LRP1B: variants seen among roughly 807,000 people sequenced by gnomAD.
LRP1B encodes the protein LDL receptor related protein 1B.
A neutral mutation model predicts 556.6 loss-of-function variants in LRP1B; 217 were observed. The ratio of observed to expected loss-of-function variants is 0.39; its 90% confidence interval spans 0.35 to 0.44. LRP1B has a LOEUF of 0.44. Ranked by LOEUF, LRP1B falls within the 20% of genes least tolerant of loss-of-function variation. The pLI, the probability that LRP1B is intolerant of heterozygous loss-of-function variation, is 1.00. For missense variants in LRP1B, 5,053 were observed against 5,620.8 expected, an observed-to-expected ratio of 0.90 and a Z score of 3.23; for synonymous variants, 2,047 against 1,865.8, an observed-to-expected ratio of 1.10 and a Z score of -2.50.
intron 1 of LRP1B, among the ~76,000 whole-genome samples, chr2:142,084,737 G>A (rs926838522): frequency 4.6e-5 from 7 of 151,878 alleles, no homozygotes; most frequent in Non-Finnish European, 8.8e-5. Flanking sequence ...TGGTCCCTTC[G>A]CCAATTTTGC....
chr2:141,791,996 T>C (rs545071376), intron 2 of LRP1B, among the ~76,000 whole-genome samples: 1 of 152,072 alleles, frequency 6.6e-6, no homozygotes, highest in African/African-American at 2.4e-5. Flanking sequence ...GGCAGTTGCA[T>C]TTTGTTGAAG....
At chr2:141,384,485 A>T (rs757953571) in intron 3 of LRP1B, among the ~76,000 whole-genome samples, 3 of 152,176 alleles carry the variant, frequency 2.0e-5, no homozygotes, top group Non-Finnish European at 4.4e-5. Context: ...TTTAAATAAC[A>T]TAAAAGAAAC....
At chr2:140,968,725 T>C (rs1696315041) in intron 18 of LRP1B, among the ~76,000 whole-genome samples, 1 of 152,188 alleles carries the variant, frequency 6.6e-6, no homozygotes, top group Non-Finnish European at 1.5e-5. Flanking sequence ...TTCTGGTATG[T>C]TGTGTCTTTG....
At chr2:140,313,270 TA>T (rs1214143042) in intron 83 of LRP1B, among the ~76,000 whole-genome samples, 1 of 151,964 alleles carries the variant, frequency 6.6e-6, no homozygotes, top group African/African-American at 2.4e-5. Flanking sequence ...TAATTTATAT[TA>T]TTTAAAAATA....
chr2:140,359,017 TTC>T (rs1188432464), intron 72 of LRP1B, 71 bp from the exon 73 acceptor site: 16 of 1,425,160 alleles, frequency 1.1e-5, no homozygotes, highest in Non-Finnish European at 1.4e-5. Flanking sequence ...TTCTTCCTTT[TTC>T]TTTTATTCTT....
At chr2:141,835,376 CCA>C (rs1199378539) in intron 1 of LRP1B, among the ~76,000 whole-genome samples, 12 of 151,766 alleles carry the variant, frequency 7.9e-5, no homozygotes, top group Non-Finnish European at 2.9e-5. Context: ...CCTGTCAACT[CCA>C]GTGTGGACAA....
At chr2:141,547,355 A>T (rs973945647) in intron 2 of LRP1B, among the ~76,000 whole-genome samples, 1 of 152,140 alleles carries the variant, frequency 6.6e-6, no homozygotes, top group African/African-American at 2.4e-5. Flanking sequence ...GCAGCCTGAT[A>T]ATTGGCCTCC....
At position 141,098,680 on chromosome 2, in the gene LRP1B, G is replaced by A. The variant is rs115498653; in HGVS notation, c.1014-36407C>T. On this transcript the variant is annotated intron_variant, in intron 7 of 90. Transcript: ENST00000389484. ...TAGATTGACTGATTGATTTGGAGAC[G>A]GAGTTTCACTCTTGTTGCCCAGGCT... Among the ~76,000 whole-genome samples, 1,028 of 151,092 alleles carry A rather than the reference G, an allele frequency of 6.8e-3. 13 individuals are homozygous for A. Among genetic ancestry groups the A allele is most frequent in the African/African-American group, 0.023 (938 of 41,396 alleles).
intron 25 of LRP1B, among the ~76,000 whole-genome samples, chr2:140,877,040 A>G (rs1693330096): frequency 6.6e-6 from 1 of 152,096 alleles, no homozygotes; most frequent in South Asian, 2.1e-4. Flanking sequence ...AGTGGGCAAA[A>G]TAATGCTTTC....
At chr2:140,786,102 T>C (rs913192850) in intron 32 of LRP1B, among the ~76,000 whole-genome samples, 1 of 152,164 alleles carries the variant, frequency 6.6e-6, no homozygotes, top group African/African-American at 2.4e-5. Context: ...TTTAAAACTC[T>C]CCAATGGCTT....
At chr2:140,251,273 C>T (rs1681400091) in intron 86 of LRP1B, among the ~76,000 whole-genome samples, 1 of 151,716 alleles carries the variant, frequency 6.6e-6, no homozygotes, top group African/African-American at 2.4e-5. Flanking sequence ...AGTAGCATAA[C>T]TGTAAGACAT....
chr2:141,938,712 G>A (rs2105009922), intron 1 of LRP1B, among the ~76,000 whole-genome samples: 1 of 152,008 alleles, frequency 6.6e-6, no homozygotes, highest in African/African-American at 2.4e-5. Context: ...CAGATGAATG[G>A]GTAAAGACAT....
chr2:140,325,889 AAC>A lies in LRP1B; in HGVS notation c.12224-13_12224-12del, dbSNP rs200255503. 30,934 of 1,508,280 alleles carry A rather than the reference AAC, an allele frequency of 0.021. 428 individuals carry two copies. Among genetic ancestry groups the A allele is most frequent in the Non-Finnish European group, 0.02 (22,060 of 1,085,748 alleles). 93.4% of individuals were successfully genotyped at this position (1,508,280 alleles called of 1,614,324 possible). On this transcript the variant is annotated splice_polypyrimidine_tract_variant and intron_variant, in intron 79 of 90. Coordinates refer to ENST00000389484, the MANE Select transcript of LRP1B (RefSeq NM_018557.3). Reference sequence around the variant, plus strand: ...AATCCACAGCCAAACCTGCAAAATCAACACACACAAGACAAATAGTGCAAGTA... The same window carrying A: ...AATCCACAGCCAAACCTGCAAAATCAACACACAAGACAAATAGTGCAAGTA...
At chr2:140,874,922 G>C (rs191605425) in intron 25 of LRP1B, among the ~76,000 whole-genome samples, 111 of 152,078 alleles carry the variant, frequency 7.3e-4, no homozygotes, top group Middle Eastern at 3.4e-3. Flanking sequence ...AGGAGGCTGA[G>C]GCGGGAGAAT....
chr2:141,544,390 C>T (rs199822440), intron 2 of LRP1B, among the ~76,000 whole-genome samples: 9,379 of 36,316 alleles, frequency 0.26, 649 homozygotes, highest in Admixed American at 0.33. Context: ...TTCTCCTCCT[C>T]CTCCTCCTCC....
intron 1 of LRP1B, among the ~76,000 whole-genome samples, chr2:142,014,709 T>C (rs1253910245): frequency 2.0e-5 from 3 of 151,616 alleles, no homozygotes; most frequent in Non-Finnish European, 4.4e-5. Context: ...ACTGACAGAG[T>C]TATTGGACTT....
At chr2:140,414,069 A>G (rs1181408559) in intron 66 of LRP1B, among the ~76,000 whole-genome samples, 4 of 152,032 alleles carry the variant, frequency 2.6e-5, no homozygotes, top group Non-Finnish European at 5.9e-5. Context: ...GGCACATGGC[A>G]CCATGTCCAG....
intron 2 of LRP1B, among the ~76,000 whole-genome samples, chr2:141,561,379 C>T (rs1686142389): frequency 6.6e-6 from 1 of 151,780 alleles, no homozygotes; most frequent in African/African-American, 2.4e-5. Context: ...TATTTTATCT[C>T]TATTTGTTGG....
At chr2:141,144,559 A>G (rs1701735075) in intron 7 of LRP1B, among the ~76,000 whole-genome samples, 1 of 152,196 alleles carries the variant, frequency 6.6e-6, no homozygotes, top group Non-Finnish European at 1.5e-5. Context: ...TTAAAAATCT[A>G]CTACTTCTCA....
Sources: allele counts gnomAD v4.1 joint callset (sites outside exome capture counted in the v4.1 genomes callset), GRCh38; gene constraint gnomAD v4.1.1; transcripts MANE v1.5; gene names NCBI Gene and HGNC (gene_info 2026-07-23, HGNC 2026-07-21).